The following ARHGEF3 variants were observed in gnomAD, a reference collection of about 807,000 sequenced individuals.
ARHGEF3 encodes 59.8 kDA protein.
ARHGEF3 carries 28 observed loss-of-function variants against 63.2 expected under a neutral mutation model. That is an observed-to-expected ratio of 0.44 (90% CI 0.33 to 0.61). ARHGEF3 has a LOEUF of 0.61. Among genes scored for constraint, ARHGEF3 ranks in the 20% least tolerant of loss-of-function variants. The pLI, the probability that ARHGEF3 is intolerant of heterozygous loss-of-function variation, is 0.03. For synonymous variants in ARHGEF3, 266 were observed against 254.2 expected (o/e 1.05, Z -0.44); for missense variants, 533 against 659.3 (o/e 0.81, Z 2.10).
At chr3:57,047,264 C>G (rs2107287419) in intron 1 of ARHGEF3, among the ~76,000 whole-genome samples, 1 of 152,318 alleles carries the variant, frequency 6.6e-6, no homozygotes, top group Admixed American at 6.5e-5. Flanking sequence ...AGGGGAATCA[C>G]TTGAACCGGG....
chr3:56,808,817 A>G (rs575935173), intron 4 of ARHGEF3, among the ~76,000 whole-genome samples: 2 of 152,324 alleles, frequency 1.3e-5, no homozygotes, highest in East Asian at 3.9e-4. Flanking sequence ...TCAGTGGACA[A>G]GGCCAGGGTG....
intron 7 of ARHGEF3, among the ~76,000 whole-genome samples, chr3:56,739,033 T>C (rs961726023): frequency 6.6e-6 from 1 of 152,054 alleles, no homozygotes; most frequent in South Asian, 2.1e-4. Context: ...AGGCAGAGGT[T>C]GCAGTGAGCC....
intron 3 of ARHGEF3, among the ~76,000 whole-genome samples, chr3:56,950,206 G>A (rs4310551): frequency 0.013 from 1,951 of 152,146 alleles, 16 homozygotes; most frequent in Middle Eastern, 0.024. Context: ...ATACCATTCA[G>A]GACATAGGCA....
chr3:56,967,566 TAA>T (rs1443190104), intron 2 of ARHGEF3, among the ~76,000 whole-genome samples: 3 of 90,254 alleles, frequency 3.3e-5, no homozygotes, highest in Admixed American at 2.0e-4. Context: ...ATATAATATA[TAA>T]TATATATTAT....
intron 4 of ARHGEF3, among the ~76,000 whole-genome samples, chr3:56,752,192 A>G (rs34873381): frequency 0.2 from 29,479 of 151,082 alleles, 3,752 homozygotes; most frequent in Admixed American, 0.29. Flanking sequence ...AAGTGCTGGG[A>G]TTACAGGCGT....
chr3:56,773,848 G>A lies in ARHGEF3; in HGVS notation c.97-32C>T, dbSNP rs372614858. The A allele has an allele frequency of 3.3e-6, 5 of 1,493,734 alleles. No individual in the cohort carries two copies. The African/African-American group carries it at 7.1e-5, about 21-fold the overall frequency. 92.5% of individuals were successfully genotyped at this position (1,493,734 alleles called of 1,614,324 possible). A position where few individuals can be genotyped will look rare whatever the true frequency, so the allele number is the denominator to read the frequency against. On this transcript the variant is annotated intron_variant, in intron 1 of 9. Transcript: ENST00000296315. ...AGTTAAAAAAAAAAAAAAGTAAAAT[G>A]TCAAGGTCAATTGCAAAGACAACAT...
intron 7 of ARHGEF3, among the ~76,000 whole-genome samples, chr3:56,739,584 G>A (rs185220107): frequency 6.6e-6 from 1 of 151,828 alleles, no homozygotes; most frequent in Admixed American, 6.6e-5. Flanking sequence ...ATTTTTCATG[G>A]AGATGGGTTT....
Position 56,745,286 on chromosome 3 carries a change from C to T in ARHGEF3, c.789G>A (p.Leu263=), listed in dbSNP as rs2034306207. 1 of 1,613,982 alleles carries T rather than the reference C, an allele frequency of 6.2e-7. No individual in the cohort carries two copies. Among genetic ancestry groups the T allele is most frequent in the Non-Finnish European group, 8.5e-7 (1 of 1,180,010 alleles). Residue 263 remains leucine, a synonymous_variant, in exon 7 of 10, where the codon CTG becomes CTA. Coordinates refer to ENST00000296315, the MANE Select transcript of ARHGEF3 (RefSeq NM_019555.3). Reference sequence around the variant, plus strand: ...CTCGGAGAAGCAGAGGGTATTTTACCAGGCGGCTTCTTGGAATATCGAGGA... The same window carrying T: ...CTCGGAGAAGCAGAGGGTATTTTACTAGGCGGCTTCTTGGAATATCGAGGA... ...WNFLDIPRSR[L]VKYPLLLREI... is the part of the protein sequence containing the mutation.
At chr3:56,904,568 A>T (rs1578806582) in intron 3 of ARHGEF3, among the ~76,000 whole-genome samples, 1 of 152,250 alleles carries the variant, frequency 6.6e-6, no homozygotes, top group Non-Finnish European at 1.5e-5. Flanking sequence ...TTTCAAAAAA[A>T]CATGAGAGGA....
intron 2 of ARHGEF3, among the ~76,000 whole-genome samples, chr3:56,996,453 C>G (rs930127024): frequency 7.2e-5 from 11 of 152,162 alleles, no homozygotes; most frequent in African/African-American, 2.4e-4. Flanking sequence ...GAGGTAGGGC[C>G]TCTGGAAGGT....
chr3:56,800,621 A>C (rs918561492), intron 1 of ARHGEF3, among the ~76,000 whole-genome samples: 4 of 152,256 alleles, frequency 2.6e-5, no homozygotes, highest in Non-Finnish European at 2.9e-5. Context: ...AGCCAAGTGC[A>C]TACAGCTGAG....
chr3:56,962,604 G>T (rs532758289), intron 2 of ARHGEF3, among the ~76,000 whole-genome samples: 1 of 152,190 alleles, frequency 6.6e-6, no homozygotes, highest in African/African-American at 2.4e-5. Flanking sequence ...AGGGATGGGT[G>T]AGCAGCAAGA....
rs201057893 is a variant in ARHGEF3, at chr3:56,996,894, T to TATTATTATTATTATTA, written c.63-38006_63-38005insTAATAATAATAATAAT. Among the ~76,000 whole-genome samples, 646 of 147,276 alleles carry TATTATTATTATTATTA rather than the reference T, an allele frequency of 4.4e-3. 4 individuals are homozygous for TATTATTATTATTATTA. The highest frequency in any genetic ancestry group is 5.3e-3 in the African/African-American group (215 of 40,662). ...ATTATTATTATTATTATTATTATTT[T>TATTATTATTATTATTA]TTTTTTTTTTTGCAATTTGCTTATT... is the stretch of plus-strand genomic sequence containing the variant. On this transcript the variant is annotated intron_variant, in intron 2 of 12. Transcript: ENST00000338458.
At chr3:56,808,228 ATC>A (rs1018549322) in intron 4 of ARHGEF3, among the ~76,000 whole-genome samples, 3 of 152,084 alleles carry the variant, frequency 2.0e-5, no homozygotes, top group Non-Finnish European at 2.9e-5. Context: ...AAAGGAGAGT[ATC>A]TCTCTCTCCC....
intron 3 of ARHGEF3, among the ~76,000 whole-genome samples, chr3:56,906,495 A>G (rs1477214814): frequency 1.3e-5 from 2 of 152,214 alleles, no homozygotes; most frequent in East Asian, 3.8e-4. Context: ...GAAAAAGAGA[A>G]TGTAAAACAT....
At chr3:57,077,986 C>T (rs562979373) in intron 1 of ARHGEF3, among the ~76,000 whole-genome samples, 4 of 152,258 alleles carry the variant, frequency 2.6e-5, no homozygotes, top group Non-Finnish European at 4.4e-5. Context: ...GCCTGCACAC[C>T]CACCTCATTG....
chr3:56,877,365 G>T (rs2040619653), intron 4 of ARHGEF3, among the ~76,000 whole-genome samples: 2 of 146,802 alleles, frequency 1.4e-5, no homozygotes, highest in African/African-American at 5.0e-5. Context: ...AAATTAATTT[G>T]TACTATAATC....
chr3:56,993,164 G>A (rs1486766502), intron 2 of ARHGEF3, among the ~76,000 whole-genome samples: 1 of 152,082 alleles, frequency 6.6e-6, no homozygotes, highest in Non-Finnish European at 1.5e-5. Flanking sequence ...TCTACAATAG[G>A]ATGATAATTT....
intron 4 of ARHGEF3, among the ~76,000 whole-genome samples, chr3:56,850,257 G>A (rs759065798): frequency 1.2e-4 from 18 of 152,220 alleles, no homozygotes; most frequent in African/African-American, 1.7e-4. Flanking sequence ...GTCTGGACAC[G>A]GTGGCTCATA....
Sources: allele counts gnomAD v4.1 joint callset (sites outside exome capture counted in the v4.1 genomes callset), GRCh38; gene constraint gnomAD v4.1.1; transcripts MANE v1.5; gene names NCBI Gene and HGNC (gene_info 2026-07-23, HGNC 2026-07-21).